AFAP1: variants seen among roughly 807,000 people sequenced by gnomAD.
The protein encoded by AFAP1 is actin filament-associated protein 1.
In AFAP1, 75 loss-of-function variants were observed where a neutral mutation model predicts 93.9. That is an observed-to-expected ratio of 0.80 (90% CI 0.66 to 0.97). The LOEUF (loss-of-function observed/expected upper bound fraction) is 0.97. AFAP1 is among the 50% of genes least tolerant of loss of function. AFAP1 has a pLI of 0.00. For synonymous variants in AFAP1, 517 were observed against 430.7 expected (o/e 1.20, Z -2.48); for missense variants, 1,201 against 1,050.8 (o/e 1.14, Z -1.98).
At chr4:7,814,933 T>A (rs60189848) in intron 8 of AFAP1, among the ~76,000 whole-genome samples, 1,544 of 152,366 alleles carry the variant, frequency 0.01, 33 homozygotes, top group African/African-American at 0.032. Flanking sequence ...CCTGAAAAAG[T>A]AAGACAGGCT....
intron 1 of AFAP1, among the ~76,000 whole-genome samples, chr4:7,913,688 C>A (rs982033646): frequency 3.3e-5 from 5 of 152,118 alleles, no homozygotes; most frequent in African/African-American, 1.2e-4. Context: ...AAAAAGTCAT[C>A]ACTGCAAACC....
intron 3 of AFAP1, among the ~76,000 whole-genome samples, chr4:7,861,452 G>A (rs1169606262): frequency 2.6e-5 from 4 of 152,344 alleles, no homozygotes; most frequent in East Asian, 1.9e-4. Flanking sequence ...TTGGCAAAAT[G>A]CAAGTCTTTA....
At chr4:7,933,356 C>T (rs574098083) in intron 1 of AFAP1, among the ~76,000 whole-genome samples, 2 of 152,254 alleles carry the variant, frequency 1.3e-5, no homozygotes, top group African/African-American at 4.8e-5. Flanking sequence ...GGGCCGATCA[C>T]GAGGTCAAGA....
intron 6 of AFAP1, among the ~76,000 whole-genome samples, chr4:7,823,729 G>A (rs373029411): frequency 5.3e-5 from 8 of 152,282 alleles, no homozygotes; most frequent in Non-Finnish European, 1.2e-4. Context: ...AGCCAGCCAC[G>A]TTTGCTCTCT....
At chr4:7,801,620 G>A (rs1287729603) in intron 9 of AFAP1, among the ~76,000 whole-genome samples, 1 of 151,964 alleles carries the variant, frequency 6.6e-6, no homozygotes, top group African/African-American at 2.4e-5. Flanking sequence ...GAGATAAATA[G>A]CATAGAAAAT....
At position 7,844,973 on chromosome 4, in the gene AFAP1, T is replaced by G. The variant is rs112706442; in HGVS notation, c.335-1623A>C. Reference sequence around the variant, plus strand: ...CAATACTGTGCAAAATGGCAGAGTCTGCACAGAAGAGAACTCATATTTTTA... The same window carrying G: ...CAATACTGTGCAAAATGGCAGAGTCGGCACAGAAGAGAACTCATATTTTTA... On this transcript the variant is annotated intron_variant, in intron 4 of 17. Transcript: ENST00000420658. Among the ~76,000 whole-genome samples, 297 of 152,366 alleles carry G rather than the reference T, an allele frequency of 1.9e-3. 1 individual carries two copies. The highest frequency in any genetic ancestry group is 3.2e-3 in the Non-Finnish European group (216 of 68,040).
chr4:7,797,990 G>A (rs1309771105), intron 10 of AFAP1, among the ~76,000 whole-genome samples: 3 of 152,172 alleles, frequency 2.0e-5, no homozygotes, highest in African/African-American at 7.2e-5. Context: ...GGCATCCTTC[G>A]TGCTATCCTT....
intron 6 of AFAP1, among the ~76,000 whole-genome samples, chr4:7,821,855 G>GA (rs149190401): frequency 6.6e-6 from 1 of 152,048 alleles, no homozygotes; most frequent in Non-Finnish European, 1.5e-5. Context: ...GCTGTTTTAT[G>GA]AAAAAACAAC....
chr4:7,915,877 T>A (rs926165058), intron 1 of AFAP1, among the ~76,000 whole-genome samples: 1 of 152,240 alleles, frequency 6.6e-6, no homozygotes, highest in Non-Finnish European at 1.5e-5. Context: ...GAATAGCGGA[T>A]AAAGGAAACC....
intron 17 of AFAP1, among the ~76,000 whole-genome samples, chr4:7,765,729 C>G (rs1026510629): frequency 6.6e-6 from 1 of 152,210 alleles, no homozygotes; most frequent in African/African-American, 2.4e-5. Context: ...CTCTGGAGGA[C>G]AGCAGAAGGC....
chr4:7,804,473 AG>A (rs201585805), intron 9 of AFAP1, among the ~76,000 whole-genome samples: 1 of 29,832 alleles, frequency 3.4e-5, no homozygotes, highest in Non-Finnish European at 5.6e-5. Context: ...CTGTGGCAAG[AG>A]GATCATGCTA....
chr4:7,834,994 G>A (rs1480939503), intron 6 of AFAP1, among the ~76,000 whole-genome samples: 5 of 137,594 alleles, frequency 3.6e-5, no homozygotes, highest in African/African-American at 8.1e-5. Flanking sequence ...AATGGACTGC[G>A]GGCTGCCTTA....
intron 11 of AFAP1, among the ~76,000 whole-genome samples, chr4:7,790,899 A>G (rs1179488522): frequency 6.6e-6 from 1 of 152,226 alleles, no homozygotes; most frequent in Non-Finnish European, 1.5e-5. Flanking sequence ...AATCTGTGCA[A>G]GACTAGTTCC....
At chr4:7,913,579 T>C (rs546888023) in intron 1 of AFAP1, among the ~76,000 whole-genome samples, 50 of 152,284 alleles carry the variant, frequency 3.3e-4, no homozygotes, top group African/African-American at 9.6e-4. Flanking sequence ...ACTGTTTACA[T>C]AAGTATCACA....
At chr4:7,855,614 C>A in intron 3 of AFAP1, 40 bp from the exon 4 acceptor site, 1 of 1,472,032 alleles carries the variant, frequency 6.8e-7, no homozygotes, top group East Asian at 2.3e-5. Flanking sequence ...ATTAGCATGA[C>A]CATTAGAAGG....
chr4:7,759,284 G>A lies in AFAP1; in HGVS notation c.*4481C>T, dbSNP rs1713435305. ...TCCATGGCTACACTAAAAAGACCCG[G>A]TAACACTTGTGCACGGTGAAGTTGA... On this transcript the variant is annotated 3_prime_UTR_variant, in exon 18 of 18. Coordinates refer to ENST00000420658, the MANE Select transcript of AFAP1 (RefSeq NM_001134647.2). 1 of 152,604 alleles carries A rather than the reference G, an allele frequency of 6.6e-6. No individual in the cohort carries two copies. Among genetic ancestry groups the A allele is most frequent in the South Asian group, 2.1e-4 (1 of 4,830 alleles). 9.5% of individuals were successfully genotyped at this position (152,604 alleles called of 1,614,324 possible). A position where few individuals can be genotyped will look rare whatever the true frequency, so the allele number is the denominator to read the frequency against.
At chr4:7,917,749 G>C (rs1218408413) in intron 1 of AFAP1, among the ~76,000 whole-genome samples, 1 of 152,062 alleles carries the variant, frequency 6.6e-6, no homozygotes, top group Non-Finnish European at 1.5e-5. Flanking sequence ...TCCCACCAAG[G>C]AGTTTGGAAC....
chr4:7,901,580 G>C (rs1384016142), intron 1 of AFAP1, among the ~76,000 whole-genome samples: 1 of 152,218 alleles, frequency 6.6e-6, no homozygotes, highest in East Asian at 1.9e-4. Flanking sequence ...CATTCACTTT[G>C]TGAGAGAACC....
intron 1 of AFAP1, among the ~76,000 whole-genome samples, chr4:7,921,072 G>C (rs1720416424): frequency 6.6e-6 from 1 of 150,800 alleles, no homozygotes; most frequent in Admixed American, 6.6e-5. Flanking sequence ...TTTCAAATTA[G>C]AAGACTAAAT....
Sources: allele counts gnomAD v4.1 joint callset (sites outside exome capture counted in the v4.1 genomes callset), GRCh38; gene constraint gnomAD v4.1.1; transcripts MANE v1.5; gene names NCBI Gene and HGNC (gene_info 2026-07-23, HGNC 2026-07-21).